Variants in HSPG2 observed in about 807,000 individuals in gnomAD.
HSPG2 encodes the protein basement membrane-specific heparan sulfate proteoglycan core protein.
Under a neutral mutation model 526.6 loss-of-function variants are expected in HSPG2, and 278 were observed. The observed-to-expected ratio is 0.53, with a 90% CI of 0.48 to 0.58. The LOEUF (loss-of-function observed/expected upper bound fraction) is 0.58, where lower values mean the gene tolerates loss of function less well. Among genes scored for constraint, HSPG2 ranks in the 20% least tolerant of loss-of-function variants. HSPG2 has a pLI of 0.00. For synonymous variants in HSPG2, 2,465 were observed against 2,555.4 expected (o/e 0.96, Z 1.07); for missense variants, 5,354 against 6,099.5 (o/e 0.88, Z 4.07).
At chr1:21,863,068 A>AAAAAAAAAAAAAAAAAAC in intron 37 of HSPG2, among the ~76,000 whole-genome samples, 1 of 66,228 alleles carries the variant, frequency 1.5e-5, no homozygotes, top group Non-Finnish European at 2.9e-5. Flanking sequence ...CTCAAAAAAA[A>AAAAAAAAAAAAAAAAAAC]AAAAAAAAAA....
rs1007766973 is a variant in HSPG2 at position 21,844,975 on chromosome 1, C to T, written c.8465-676G>A. On this transcript the variant is annotated intron_variant, in intron 64 of 96. Transcript: ENST00000374695. ...AAAAGCCTTAACTACACACTGGGCG[C>T]GGTGGCTCACGCCTGTAATCCCAGC... is the stretch of plus-strand genomic sequence containing the variant. Among the ~76,000 whole-genome samples the T allele has an allele frequency of 1.4e-4, 21 of 152,172 alleles. 1 individual carries two copies. The highest frequency in any genetic ancestry group is 5.9e-4 in the Admixed American group (9 of 15,268).
intron 1 of HSPG2, among the ~76,000 whole-genome samples, chr1:21,900,598 T>C (rs878949): frequency 0.52 from 79,302 of 151,932 alleles, 24,463 homozygotes; most frequent in East Asian, 0.85. Context: ...AGGAGAAAAC[T>C]ACAGGAGTGG....
intron 33 of HSPG2, chr1:21,870,746 G>C: frequency 3.9e-6 from 3 of 777,376 alleles, no homozygotes; most frequent in Non-Finnish European, 4.7e-6. Context: ...CTTGGGCACT[G>C]CGCATCTCCC....
At chr1:21,861,478 T>C (rs536181862) in intron 39 of HSPG2, among the ~76,000 whole-genome samples, 1 of 96,232 alleles carries the variant, frequency 1.0e-5, no homozygotes, top group Non-Finnish European at 2.1e-5. Context: ...TGAGACCCTG[T>C]CTCAGTTTAA....
At chr1:21,926,761 CAAAAAAAAAAAAAAA>C (rs57835686) in intron 1 of HSPG2, among the ~76,000 whole-genome samples, 1,543 of 56,038 alleles carry the variant, frequency 0.028, 47 homozygotes, top group African/African-American at 0.1. Flanking sequence ...GACTCAGTCT[CAAAAAAAAAAAAAAA>C]AAAAAAAAAA....
intron 1 of HSPG2, among the ~76,000 whole-genome samples, chr1:21,934,172 T>TC (rs1644421122): frequency 6.6e-6 from 1 of 152,092 alleles, no homozygotes; most frequent in Non-Finnish European, 1.5e-5. Context: ...TGTGGTCCTG[T>TC]CCCCCGTCCC....
rs779674194 is a variant in HSPG2, at chr1:21,876,405, A to C, written c.2827T>G (p.Leu943Val). The change falls in exon 23 of 97, where the codon TTG (leucine) becomes GTG (valine). Residue 943 changes from leucine (L) to valine (V), a missense_variant and splice_region_variant. Physicochemically the swap from Leu to Val is conservative, Grantham distance 32. Transcript: ENST00000374695. ...CTSSSWSRAQ[L>V]HGASEEPGHF... is the part of the protein sequence containing the mutation. The stretch of plus-strand genomic sequence containing the variant: ...CCAGGCTCCTCAGAGGCCCCATGCA[A>C]CTGGGAGGAGGAGAAAGGGCTGGGA... 121 of 1,610,394 alleles carry C rather than the reference A, an allele frequency of 7.5e-5. 1 individual carries two copies. In the South Asian group the frequency reaches 1.3e-3, roughly 17 times the overall value.
intron 67 of HSPG2, 75 bp from the exon 68 acceptor site, chr1:21,842,455 C>T (rs1001991849): frequency 1.1e-5 from 16 of 1,460,660 alleles, no homozygotes; most frequent in Middle Eastern, 2.0e-4. Flanking sequence ...CCAACTGTGC[C>T]GGTACCCAAG....
Position 21,893,816 on chromosome 1 carries a change from G to A in HSPG2, c.244+2106C>T, listed in dbSNP as rs754069150. ...GAGACAGAGATAAAGAAAGTGGGGC[G>A]GGGGAGAATGAGAGAGAAAAGGTAA... On this transcript the variant is annotated intron_variant, in intron 3 of 96. Coordinates refer to ENST00000374695, the MANE Select transcript of HSPG2 (RefSeq NM_005529.7). The surrounding 1 kb of genome is among the most constrained non-coding windows in gnomAD (Gnocchi z 4.3). 2.8e-4 allele frequency among the ~76,000 whole-genome samples: 42 copies of A among 151,858 alleles called. No homozygotes were observed. Among genetic ancestry groups the A allele is most frequent in the South Asian group, 4.2e-4 (2 of 4,800 alleles).
intron 1 of HSPG2, among the ~76,000 whole-genome samples, chr1:21,913,826 C>T (rs1404293376): frequency 6.6e-6 from 1 of 152,234 alleles, no homozygotes; most frequent in East Asian, 1.9e-4. Context: ...ATAAACCCAA[C>T]ACAAGAGGCA....
chr1:21,903,027 C>T (rs965630387), intron 1 of HSPG2, among the ~76,000 whole-genome samples: 6 of 152,190 alleles, frequency 3.9e-5, no homozygotes, highest in East Asian at 3.8e-4. Flanking sequence ...TGCGGACTCA[C>T]GGACAAACCA....
At chr1:21,937,110 AG>A (rs1644509448) in intron 1 of HSPG2, 44 bp downstream of exon 1, 1 of 151,362 alleles carries the variant, frequency 6.6e-6, no homozygotes, top group Non-Finnish European at 1.3e-5. Flanking sequence ...GGGCGCCCCT[AG>A]CCCCTCCGCC....
At chr1:21,853,157 C>T (rs1639048507) in intron 50 of HSPG2, 87 bp from the exon 51 acceptor site, 2 of 1,573,024 alleles carry the variant, frequency 1.3e-6, no homozygotes, top group Non-Finnish European at 1.7e-6. Flanking sequence ...TGTGACCAGG[C>T]CCTAGTGGGG....
Position 21,836,848 on chromosome 1 carries a change from C to T in HSPG2, c.10309G>A (p.Gly3437Arg). 1.9e-6 allele frequency: 3 copies of T among 1,582,258 alleles called. No individual in the cohort carries two copies. Among genetic ancestry groups the T allele is most frequent in the Non-Finnish European group, 2.6e-6 (3 of 1,164,932 alleles). The change falls in exon 75 of 97, where the codon GGG becomes AGG. Residue 3437 changes from glycine (G) to arginine (R), a missense_variant. By Grantham distance (125) the Gly-to-Arg change is moderately radical. Coordinates refer to ENST00000374695, the MANE Select transcript of HSPG2 (RefSeq NM_005529.7). ...CTGTGACCCGGAGGCAGCTGACCCC[C>T]TTCCTTGAACCAACGGAGCTGGGTA... is the stretch of plus-strand genomic sequence containing the variant. Reference protein sequence around the residue: ...RGTQLRWFKEGGQLPPGHSVQ... With the variant: ...RGTQLRWFKERGQLPPGHSVQ...
chr1:21,829,873 G>T, intron 86 of HSPG2, 120 bp downstream of exon 86: 1 of 946,968 alleles, frequency 1.1e-6, no homozygotes, highest in Non-Finnish European at 1.7e-6. Flanking sequence ...GTGACTTCGA[G>T]ATCCTCTGGC....
In HSPG2 at chr1:21,822,261, T is replaced by C. The variant is rs2097953647; in HGVS notation, c.*1055A>G. ...GAGGCCCCTGGCGGGGATAGCACCG[T>C]TTATTAAGAAAAATCAAGACAAAGA... On this transcript the variant is annotated 3_prime_UTR_variant, in exon 97 of 97. Transcript: ENST00000374695. 1.3e-6 allele frequency: 2 copies of C among 1,590,778 alleles called. No individual in the cohort carries two copies. The highest frequency in any genetic ancestry group is 1.7e-6 in the Non-Finnish European group (2 of 1,159,078).
chr1:21,823,235 T>C lies in HSPG2; in HGVS notation c.*81A>G. 1.6e-6 allele frequency: 2 copies of C among 1,275,990 alleles called. No individual in the cohort carries two copies. The highest frequency in any genetic ancestry group is 2.1e-6 in the Non-Finnish European group (2 of 973,484). 79.0% of individuals were successfully genotyped at this position (1,275,990 alleles called of 1,614,324 possible). A position where few individuals can be genotyped will look rare whatever the true frequency, so the allele number is the denominator to read the frequency against. On this transcript the variant is annotated 3_prime_UTR_variant, in exon 97 of 97. Transcript: ENST00000374695. Reference sequence around the variant, plus strand: ...CATCGCCTCGGTTTCTTACAAAAATTCATAATAATATTAATAATAATATAC... The same window carrying C: ...CATCGCCTCGGTTTCTTACAAAAATCCATAATAATATTAATAATAATATAC...
Position 21,878,698 on chromosome 1 carries a change from G to A in HSPG2, c.2472-35C>T, listed in dbSNP as rs144786571. ...TCAAGTGGACAGGGCATGGGGCAGG[G>A]CTGGGGTCAGGCTTTCTCCTCCCAC... On this transcript the variant is annotated intron_variant, in intron 18 of 96. Coordinates refer to ENST00000374695, the MANE Select transcript of HSPG2 (RefSeq NM_005529.7). The A allele has an allele frequency of 6.9e-3, 10,915 of 1,582,236 alleles. 55 individuals are homozygous for A. Among genetic ancestry groups the A allele is most frequent in the Non-Finnish European group, 8.2e-3 (9,439 of 1,151,098 alleles).
intron 1 of HSPG2, among the ~76,000 whole-genome samples, chr1:21,924,024 A>G (rs1644116959): frequency 6.6e-6 from 1 of 152,178 alleles, no homozygotes. Context: ...CCAAGAGCAG[A>G]GGTGAACTGA....
Sources: allele counts gnomAD v4.1 joint callset (sites outside exome capture counted in the v4.1 genomes callset), GRCh38; gene constraint gnomAD v4.1.1; non-coding constraint Gnocchi (gnomAD v3.1); transcripts MANE v1.5; gene names NCBI Gene and HGNC (gene_info 2026-07-23, HGNC 2026-07-21).